SLC2A13: variants seen among roughly 807,000 people sequenced by gnomAD.
SLC2A13 encodes the protein solute carrier family 2 member 13.
Under a neutral mutation model 64.4 loss-of-function variants are expected in SLC2A13, and 32 were observed. That is an observed-to-expected ratio of 0.50 (90% CI 0.37 to 0.67). The LOEUF is 0.67. SLC2A13 is among the 30% of genes least tolerant of loss of function. The pLI, the probability that SLC2A13 is intolerant of heterozygous loss-of-function variation, is 0.00. For synonymous variants in SLC2A13, 338 were observed against 327.1 expected, an observed-to-expected ratio of 1.03 and a Z score of -0.36; for missense variants, 743 against 829.2, an observed-to-expected ratio of 0.90 and a Z score of 1.28.
chr12:39,943,997 CCT>C (rs35541347), intron 4 of SLC2A13, among the ~76,000 whole-genome samples: 15,539 of 152,214 alleles, frequency 0.1, 846 homozygotes, highest in Non-Finnish European at 0.13. Context: ...TATGAACTTT[CCT>C]CTTAGCATCA....
chr12:39,826,493 A>C (rs1942679743), intron 7 of SLC2A13, among the ~76,000 whole-genome samples: 1 of 148,542 alleles, frequency 6.7e-6, no homozygotes, highest in Non-Finnish European at 1.5e-5. Flanking sequence ...CTATACTTTG[A>C]GTCTCTTATT....
chr12:39,925,759 T>A (rs1235110915), intron 4 of SLC2A13, among the ~76,000 whole-genome samples: 2 of 152,172 alleles, frequency 1.3e-5, no homozygotes, highest in African/African-American at 4.8e-5. Context: ...GCCACTTTAT[T>A]TTCATTTGGT....
chr12:40,097,046 C>G (rs1233609161), intron 1 of SLC2A13, among the ~76,000 whole-genome samples: 2 of 152,148 alleles, frequency 1.3e-5, no homozygotes, highest in Admixed American at 1.3e-4. Context: ...TTTCTCTACA[C>G]TTCCTTTAAT....
chr12:40,012,354 T>C (rs543968902), intron 3 of SLC2A13, among the ~76,000 whole-genome samples: 3 of 152,324 alleles, frequency 2.0e-5, no homozygotes, highest in Non-Finnish European at 4.4e-5. Flanking sequence ...CTTTTGCCAT[T>C]TGGAAACAGA....
chr12:39,874,484 G>A (rs938411903), intron 4 of SLC2A13, among the ~76,000 whole-genome samples: 3 of 151,826 alleles, frequency 2.0e-5, no homozygotes, highest in Admixed American at 1.3e-4. Flanking sequence ...GCATGGTAGC[G>A]GGCACCTGTA....
chr12:39,869,693 G>C (rs1038672656), intron 5 of SLC2A13, among the ~76,000 whole-genome samples: 2 of 151,526 alleles, frequency 1.3e-5, no homozygotes, highest in African/African-American at 4.9e-5. Context: ...GGATGGCTCT[G>C]GAAATCCTTG....
Position 40,061,788 on chromosome 12 carries a change from G to A in SLC2A13, c.557-13578C>T, listed in dbSNP as rs28365686. Among the ~76,000 whole-genome samples, 1,401 of 151,808 alleles carry A rather than the reference G, an allele frequency of 9.2e-3. 52 individuals carry two copies. In the East Asian group the frequency reaches 0.11, roughly 12 times the overall value. On this transcript the variant is annotated intron_variant, in intron 1 of 9. Transcript: ENST00000280871. The stretch of plus-strand genomic sequence containing the variant: ...CATCAAAACCCAAATGAGTTTGTGG[G>A]GGTTTTCAAATTTGACAATCCAAAA...
chr12:39,910,112 G>A (rs543838970), intron 4 of SLC2A13, among the ~76,000 whole-genome samples: 2 of 152,066 alleles, frequency 1.3e-5, no homozygotes, highest in Admixed American at 6.6e-5. Context: ...CTGCTTCCTC[G>A]TGCAGGACTA....
intron 7 of SLC2A13, among the ~76,000 whole-genome samples, chr12:39,765,837 T>C (rs558036752): frequency 1.3e-5 from 2 of 152,086 alleles, no homozygotes; most frequent in Non-Finnish European, 2.9e-5. Flanking sequence ...CACCTAGGTA[T>C]TAAGCCCCAT....
At chr12:40,045,441 C>CAA (rs982485273) in intron 2 of SLC2A13, among the ~76,000 whole-genome samples, 28 of 151,072 alleles carry the variant, frequency 1.9e-4, no homozygotes, top group Middle Eastern at 6.8e-3. Flanking sequence ...ATTACAGAGT[C>CAA]TAAAGTTAAT....
intron 3 of SLC2A13, among the ~76,000 whole-genome samples, chr12:40,013,869 G>A (rs188704635): frequency 6.6e-6 from 1 of 152,150 alleles, no homozygotes; most frequent in Admixed American, 6.5e-5. Context: ...TACTTGGGGG[G>A]AAAAGTTGAA....
chr12:40,039,802 C>T (rs116420787), intron 2 of SLC2A13, among the ~76,000 whole-genome samples: 382 of 152,294 alleles, frequency 2.5e-3, no homozygotes, highest in African/African-American at 8.9e-3. Flanking sequence ...GTGATGAGCC[C>T]ACATTAGCAC....
chr12:39,919,228 C>T (rs1056483690), intron 4 of SLC2A13, among the ~76,000 whole-genome samples: 2 of 151,852 alleles, frequency 1.3e-5, no homozygotes, highest in Non-Finnish European at 2.9e-5. Flanking sequence ...TGTGCTCGGC[C>T]GATTATAAAT....
At chr12:39,893,364 A>G (rs1439541687) in intron 4 of SLC2A13, among the ~76,000 whole-genome samples, 1 of 152,180 alleles carries the variant, frequency 6.6e-6, no homozygotes, top group Non-Finnish European at 1.5e-5. Flanking sequence ...CAGTGGTGCA[A>G]TCTCAGCTGG....
rs139871464 is a variant in SLC2A13 at position 40,022,698 on chromosome 12, C to T, written c.925+5603G>A. Reference sequence around the variant, plus strand: ...CTAGACATACAAAAAATTAGCTGGGCGTAGTGGTGCATGCCTGTAGTCCCA... The same window carrying T: ...CTAGACATACAAAAAATTAGCTGGGTGTAGTGGTGCATGCCTGTAGTCCCA... On this transcript the variant is annotated intron_variant, in intron 3 of 9. Coordinates refer to ENST00000280871, the MANE Select transcript of SLC2A13 (RefSeq NM_052885.4). 3.3e-5 allele frequency among the ~76,000 whole-genome samples: 5 copies of T among 152,070 alleles called. No homozygotes were observed. The East Asian group carries it at 7.7e-4, about 24-fold the overall frequency.
At chr12:39,849,666 A>T (rs1238159603) in intron 6 of SLC2A13, among the ~76,000 whole-genome samples, 4 of 152,134 alleles carry the variant, frequency 2.6e-5, no homozygotes, top group Non-Finnish European at 1.5e-5. Context: ...CTCTGACAGG[A>T]TAATTACCAA....
intron 1 of SLC2A13, among the ~76,000 whole-genome samples, chr12:40,052,838 G>T (rs1040340546): frequency 6.6e-6 from 1 of 152,088 alleles, no homozygotes; most frequent in Non-Finnish European, 1.5e-5. Flanking sequence ...CGAGAAGAAT[G>T]CTTAGAATAG....
chr12:39,957,872 C>A (rs765555164), intron 3 of SLC2A13, among the ~76,000 whole-genome samples: 55 of 152,250 alleles, frequency 3.6e-4, no homozygotes, highest in Non-Finnish European at 5.4e-4. Flanking sequence ...CGTGAGGAGG[C>A]CCAGCCCCTG....
chr12:39,776,691 T>C (rs969075592), intron 7 of SLC2A13, among the ~76,000 whole-genome samples: 3 of 151,978 alleles, frequency 2.0e-5, no homozygotes, highest in Admixed American at 6.6e-5. Flanking sequence ...TGAGCAGTAT[T>C]CTAGATTTCC....
Sources: gnomAD v4.1 joint callset for allele counts (sites outside exome capture counted in the v4.1 genomes callset) on GRCh38, gnomAD v4.1.1 for gene constraint, MANE v1.5 for transcripts, NCBI Gene and HGNC (gene_info 2026-07-23, HGNC 2026-07-21) for gene names.